SGCZ: variants seen among roughly 807,000 people sequenced by gnomAD.
SGCZ encodes the protein sarcoglycan zeta.
Under a neutral mutation model 41.3 loss-of-function variants are expected in SGCZ, and 40 were observed. That is an observed-to-expected ratio of 0.97 (90% confidence interval 0.75 to 1.26). SGCZ has a LOEUF of 1.26. Ranked by LOEUF, SGCZ falls within the 50% of genes most tolerant of loss-of-function variation. SGCZ has a pLI of 0.00. For synonymous variants in SGCZ, 206 were observed against 137.5 expected, an observed-to-expected ratio of 1.50 and a Z score of -3.49; for missense variants, 552 against 369.8, an observed-to-expected ratio of 1.49 and a Z score of -4.04.
intron 1 of SGCZ, among the ~76,000 whole-genome samples, chr8:15,102,061 T>A (rs114479736): frequency 6.6e-6 from 1 of 152,180 alleles, no homozygotes; most frequent in African/African-American, 2.4e-5. Flanking sequence ...CTCCTATATA[T>A]ATGCCAAAAT....
In SGCZ at chr8:14,714,242, C is replaced by T. The variant is rs182523920; in HGVS notation, c.40-159316G>A. On this transcript the variant is annotated intron_variant, in intron 1 of 7. Coordinates refer to ENST00000382080, the MANE Select transcript of SGCZ (RefSeq NM_139167.4). ...TCGGCCTCCCAAAGTACTAAGATTA[C>T]AGGCATGAGCCACCGTGTCCGACCC... is the stretch of plus-strand genomic sequence containing the variant. 3.4e-3 allele frequency among the ~76,000 whole-genome samples: 520 copies of T among 152,230 alleles called. 5 individuals carry two copies. Among genetic ancestry groups the T allele is most frequent in the African/African-American group, 0.012 (501 of 41,540 alleles).
At chr8:15,208,546 A>C (rs568445197) in intron 1 of SGCZ, among the ~76,000 whole-genome samples, 4 of 152,292 alleles carry the variant, frequency 2.6e-5, no homozygotes, top group African/African-American at 9.6e-5. Context: ...TAACTTACAA[A>C]AGCCAATTTA....
chr8:14,645,129 G>C (rs1807165570), intron 1 of SGCZ, among the ~76,000 whole-genome samples: 1 of 151,442 alleles, frequency 6.6e-6, no homozygotes, highest in Non-Finnish European at 1.5e-5. Context: ...CTATCATTTA[G>C]TTCCTAAAAA....
chr8:14,540,401 C>T (rs1803428641), intron 2 of SGCZ, among the ~76,000 whole-genome samples: 1 of 150,378 alleles, frequency 6.6e-6, no homozygotes. Flanking sequence ...CTTTCACCTG[C>T]CTTTGAGTTT....
chr8:14,387,509 A>C (rs1443446511), intron 2 of SGCZ, among the ~76,000 whole-genome samples: 1 of 152,188 alleles, frequency 6.6e-6, no homozygotes, highest in Admixed American at 6.5e-5. Context: ...TTACAATTTG[A>C]AGATCATTGC....
At chr8:14,384,211 C>A (rs919955339) in intron 2 of SGCZ, among the ~76,000 whole-genome samples, 8 of 151,944 alleles carry the variant, frequency 5.3e-5, no homozygotes, top group Admixed American at 4.6e-4. Context: ...TGAGAACATG[C>A]GGTGTTCGGT....
At chr8:14,399,757 C>A (rs536832356) in intron 2 of SGCZ, among the ~76,000 whole-genome samples, 1 of 152,166 alleles carries the variant, frequency 6.6e-6, no homozygotes, top group South Asian at 2.1e-4. Flanking sequence ...ATGTATTTTA[C>A]ATTTTCTAAA....
intron 2 of SGCZ, among the ~76,000 whole-genome samples, chr8:14,522,332 T>C (rs1218491722): frequency 6.6e-6 from 1 of 152,070 alleles, no homozygotes; most frequent in Non-Finnish European, 1.5e-5. Context: ...TAATTCTTTT[T>C]TGAATATTTA....
intron 1 of SGCZ, among the ~76,000 whole-genome samples, chr8:14,976,714 G>C (rs1490435420): frequency 1.3e-5 from 2 of 152,104 alleles, no homozygotes; most frequent in Non-Finnish European, 2.9e-5. Flanking sequence ...GACAAAGCAA[G>C]ATGAAAAACT....
Position 14,933,630 on chromosome 8 carries a change from T to G in SGCZ, c.39+303955A>C. ...TTTCTTTCTTTCTTTTTTCTGTATT[T>G]TTTAGTAGAGATGGGGTTCTACCGT... On this transcript the variant is annotated intron_variant, in intron 1 of 7. Transcript: ENST00000382080. Among the ~76,000 whole-genome samples the G allele has an allele frequency of 1.3e-5, 2 of 151,820 alleles. 1 individual carries two copies. The highest frequency in any genetic ancestry group is 4.9e-5 in the African/African-American group (2 of 41,194).
chr8:15,018,897 G>A (rs1234119310), intron 1 of SGCZ, among the ~76,000 whole-genome samples: 3 of 152,258 alleles, frequency 2.0e-5, no homozygotes, highest in Non-Finnish European at 2.9e-5. Context: ...CGGAGAGGAA[G>A]AAGGGATGTC....
intron 2 of SGCZ, among the ~76,000 whole-genome samples, chr8:14,366,016 T>G (rs186512439): frequency 2.5e-3 from 385 of 152,280 alleles, no homozygotes; most frequent in Middle Eastern, 6.8e-3. Flanking sequence ...TCTACATTTT[T>G]GAAATTTGAT....
rs371171858 is a variant in SGCZ at position 14,774,449 on chromosome 8, G to C, written c.40-219523C>G. ...CATGCTTCCTTCAGTTAACGTTTAG[G>C]ATTGTTCACACCTGTGTCCCCTACC... On this transcript the variant is annotated intron_variant, in intron 1 of 7. Transcript: ENST00000382080. 3.7e-4 allele frequency among the ~76,000 whole-genome samples: 56 copies of C among 152,248 alleles called. No homozygotes were observed. In the East Asian group the frequency reaches 6.2e-3, roughly 17 times the overall value.
intron 5 of SGCZ, among the ~76,000 whole-genome samples, chr8:14,159,884 G>A (rs1380655433): frequency 6.6e-6 from 1 of 152,160 alleles, no homozygotes; most frequent in Non-Finnish European, 1.5e-5. Context: ...AGAAGATATT[G>A]ATTGGAACCC....
intron 1 of SGCZ, among the ~76,000 whole-genome samples, chr8:14,915,468 G>C (rs1437504732): frequency 6.6e-6 from 1 of 152,066 alleles, no homozygotes; most frequent in Non-Finnish European, 1.5e-5. Context: ...AGACAAGCAA[G>C]CTCTCAGCTT....
intron 1 of SGCZ, among the ~76,000 whole-genome samples, chr8:14,886,888 A>G (rs1237869551): frequency 6.6e-6 from 1 of 152,170 alleles, no homozygotes; most frequent in African/African-American, 2.4e-5. Flanking sequence ...TAAAAGAAGT[A>G]ACGGCATAAT....
intron 1 of SGCZ, among the ~76,000 whole-genome samples, chr8:14,758,747 G>A (rs934331492): frequency 2.0e-5 from 3 of 152,028 alleles, no homozygotes; most frequent in African/African-American, 4.8e-5. Flanking sequence ...GGTGGCTCAC[G>A]CCTATAATTC....
chr8:14,287,277 G>A (rs1346272445), intron 3 of SGCZ, among the ~76,000 whole-genome samples: 1 of 151,684 alleles, frequency 6.6e-6, no homozygotes, highest in South Asian at 2.1e-4. Flanking sequence ...TAGGAAAAAA[G>A]GCGAAAAGGT....
chr8:15,064,094 T>C (rs985536315), intron 1 of SGCZ, among the ~76,000 whole-genome samples: 1 of 152,212 alleles, frequency 6.6e-6, no homozygotes. Context: ...CAAATGTTTC[T>C]CACTTCAGAA....
Sources: allele counts gnomAD v4.1 joint callset (sites outside exome capture counted in the v4.1 genomes callset), GRCh38; gene constraint gnomAD v4.1.1; transcripts MANE v1.5; gene names NCBI Gene and HGNC (gene_info 2026-07-23, HGNC 2026-07-21).